DLGAP2: variants seen among roughly 807,000 people sequenced by gnomAD.
DLGAP2 encodes the protein disks large-associated protein 2.
A neutral mutation model predicts 100.3 loss-of-function variants in DLGAP2; 26 were observed. The ratio of observed to expected loss-of-function variants is 0.26; its 90% CI spans 0.19 to 0.36. DLGAP2 has a LOEUF of 0.36. DLGAP2 is among the 10% of genes least tolerant of loss of function. The pLI is 1.00. For missense variants in DLGAP2, 1,858 were observed against 1,453.2 expected, an observed-to-expected ratio of 1.28 and a Z score of -4.53; for synonymous variants, 886 against 630.1, an observed-to-expected ratio of 1.41 and a Z score of -6.08.
intron 1 of DLGAP2, among the ~76,000 whole-genome samples, chr8:889,545 T>C (rs1797991957): frequency 1.3e-5 from 2 of 152,160 alleles, no homozygotes; most frequent in African/African-American, 4.8e-5. Flanking sequence ...TGGGTCAGGG[T>C]CGAGCCTGAA....
chr8:1,206,532 TGG>T (rs1797996731), intron 2 of DLGAP2, among the ~76,000 whole-genome samples: 1 of 81,556 alleles, frequency 1.2e-5, no homozygotes, highest in African/African-American at 6.9e-5. Flanking sequence ...ATCCGTGGAC[TGG>T]GGTAGACTGT....
At chr8:1,627,156 T>G (rs1470297460) in intron 7 of DLGAP2, among the ~76,000 whole-genome samples, 1 of 152,258 alleles carries the variant, frequency 6.6e-6, no homozygotes, top group Non-Finnish European at 1.5e-5. Flanking sequence ...CATCCTGGCC[T>G]CTCTTGTTGA....
intron 6 of DLGAP2, among the ~76,000 whole-genome samples, chr8:1,618,170 G>C (rs1261433354): frequency 6.6e-6 from 1 of 152,066 alleles, no homozygotes; most frequent in Non-Finnish European, 1.5e-5. Context: ...TCCATGTTTA[G>C]GTTCCAGGTT....
rs569075905 is a variant in DLGAP2, at chr8:1,142,978, C to A, written c.74-115873C>A. On this transcript the variant is annotated intron_variant, in intron 2 of 14. Coordinates refer to ENST00000637795, the MANE Select transcript of DLGAP2 (RefSeq NM_001346810.2). ...AGAGACTTTCCCAGGGAGAACTACA[C>A]AGGATAGAGGCCATTTTTCCTGAGA... 5.3e-4 allele frequency among the ~76,000 whole-genome samples: 81 copies of A among 152,298 alleles called. No homozygotes were observed. In the Middle Eastern group the frequency reaches 0.01, roughly 19 times the overall value.
At chr8:1,546,493 C>A (rs562085869) in intron 4 of DLGAP2, among the ~76,000 whole-genome samples, 209 of 152,352 alleles carry the variant, frequency 1.4e-3, no homozygotes, top group Non-Finnish European at 1.9e-3. Context: ...CTGGCCCAGA[C>A]GGCTGGCCGT....
intron 3 of DLGAP2, among the ~76,000 whole-genome samples, chr8:1,288,018 G>T (rs1799979692): frequency 9.3e-6 from 1 of 107,510 alleles, no homozygotes; most frequent in Non-Finnish European, 1.8e-5. Flanking sequence ...CTGTTAGGGG[G>T]ACTAGTTTCG....
rs541480980 is a variant in DLGAP2 at position 1,473,320 on chromosome 8, G to A, written c.107-28046G>A. Among the ~76,000 whole-genome samples, 34 of 152,300 alleles carry A rather than the reference G, an allele frequency of 2.2e-4. 1 individual carries two copies. Among genetic ancestry groups the A allele is most frequent in the African/African-American group, 7.2e-4 (30 of 41,570 alleles). On this transcript the variant is annotated intron_variant, in intron 3 of 14. Transcript: ENST00000637795. ...GGGGCTGAGTAGATGAACAGAAGAA[G>A]GTTCCTCCGCCCAGCAGACTGCCAC...
chr8:1,263,218 A>C (rs1799386530), intron 3 of DLGAP2, among the ~76,000 whole-genome samples: 1 of 152,210 alleles, frequency 6.6e-6, no homozygotes, highest in African/African-American at 2.4e-5. Context: ...TGATGGCAGA[A>C]ATATATATTG....
chr8:1,069,167 G>C, intron 2 of DLGAP2, among the ~76,000 whole-genome samples: 1 of 152,204 alleles, frequency 6.6e-6, no homozygotes, highest in East Asian at 1.9e-4. Context: ...AATATTTGTG[G>C]AGAACGAATT....
At chr8:1,111,039 C>G (rs1804940195) in intron 2 of DLGAP2, among the ~76,000 whole-genome samples, 1 of 152,202 alleles carries the variant, frequency 6.6e-6, no homozygotes, top group African/African-American at 2.4e-5. Flanking sequence ...AACACATGCT[C>G]CACACCCGTG....
At chr8:1,515,206 G>A (rs529457699) in intron 4 of DLGAP2, among the ~76,000 whole-genome samples, 5 of 152,188 alleles carry the variant, frequency 3.3e-5, no homozygotes, top group Admixed American at 6.5e-5. Flanking sequence ...TTTTGCAGCC[G>A]ATGAGCACAC....
chr8:1,382,454 G>A (rs7822446), intron 3 of DLGAP2, among the ~76,000 whole-genome samples: 1,720 of 152,276 alleles, frequency 0.011, 27 homozygotes, highest in African/African-American at 0.039. Context: ...ATGTATCATC[G>A]GTCAGGCGCA....
At chr8:1,031,953 G>A (rs2129028068) in intron 2 of DLGAP2, among the ~76,000 whole-genome samples, 1 of 152,364 alleles carries the variant, frequency 6.6e-6, no homozygotes, top group East Asian at 1.9e-4. Flanking sequence ...GTCTGGGGAT[G>A]TAGGGTTTGC....
At chr8:1,408,302 C>G (rs1022090970) in intron 3 of DLGAP2, among the ~76,000 whole-genome samples, 2 of 152,230 alleles carry the variant, frequency 1.3e-5, no homozygotes, top group Admixed American at 1.3e-4. Context: ...GGTCTGTTTC[C>G]TCACTCTCCA....
At chr8:1,272,926 G>T (rs1481174809) in intron 3 of DLGAP2, among the ~76,000 whole-genome samples, 1 of 152,170 alleles carries the variant, frequency 6.6e-6, no homozygotes, top group Non-Finnish European at 1.5e-5. Context: ...CGTAAAAGGT[G>T]AAAAGAGGAG....
At chr8:1,061,721 A>C (rs1204335112) in intron 2 of DLGAP2, among the ~76,000 whole-genome samples, 2 of 151,630 alleles carry the variant, frequency 1.3e-5, no homozygotes, top group African/African-American at 4.8e-5. Flanking sequence ...AGCGAGCTCC[A>C]CACTGCTTCC....
intron 2 of DLGAP2, among the ~76,000 whole-genome samples, chr8:1,067,278 G>C (rs1445610637): frequency 6.6e-6 from 1 of 152,230 alleles, no homozygotes; most frequent in East Asian, 1.9e-4. Flanking sequence ...GAAGGCTGAA[G>C]GGTATGCTCT....
intron 3 of DLGAP2, among the ~76,000 whole-genome samples, chr8:1,485,516 G>A (rs763821957): frequency 8.5e-5 from 13 of 152,250 alleles, no homozygotes; most frequent in African/African-American, 2.2e-4. Context: ...TAGCAGACGC[G>A]GTTAAGGAAA....
chr8:1,168,259 A>C (rs986802315), intron 2 of DLGAP2, among the ~76,000 whole-genome samples: 1 of 151,676 alleles, frequency 6.6e-6, no homozygotes, highest in African/African-American at 2.4e-5. Context: ...TAGGTGCCAC[A>C]TTTTCTTAAT....
Sources: allele counts gnomAD v4.1 joint callset (sites outside exome capture counted in the v4.1 genomes callset), GRCh38; gene constraint gnomAD v4.1.1; transcripts MANE v1.5; gene names NCBI Gene and HGNC (gene_info 2026-07-23, HGNC 2026-07-21).